Variants in ARHGAP22 observed in about 807,000 individuals in gnomAD.
The protein encoded by ARHGAP22 is rho GTPase-activating protein 22.
A neutral mutation model predicts 59.1 loss-of-function variants in ARHGAP22; 48 were observed. The observed-to-expected ratio is 0.81, with a 90% CI of 0.64 to 1.03. ARHGAP22 has a LOEUF of 1.03. Ranked by LOEUF, ARHGAP22 falls within the 50% of genes least tolerant of loss-of-function variation. ARHGAP22 has a pLI of 0.00. For synonymous variants in ARHGAP22, 445 were observed against 416.4 expected (o/e 1.07, Z -0.84); for missense variants, 1,015 against 958.7 (o/e 1.06, Z -0.78).
the ARHGAP22 span, among the ~76,000 whole-genome samples, chr10:48,439,966 G>A: frequency 6.6e-6 from 1 of 152,198 alleles, no homozygotes; most frequent in Admixed American, 6.5e-5. Context: ...GATCAGCTGC[G>A]TGGCAGCTGA....
At chr10:48,553,973 C>G (rs2057109693) in intron 3 of ARHGAP22, among the ~76,000 whole-genome samples, 1 of 152,214 alleles carries the variant, frequency 6.6e-6, no homozygotes, top group Non-Finnish European at 1.5e-5. Flanking sequence ...GCCTACGTCA[C>G]TACTTGCATT....
intron 1 of ARHGAP22, 64 bp from the exon 2 acceptor site, chr10:48,583,216 A>C: frequency 2.6e-6 from 4 of 1,544,678 alleles, no homozygotes; most frequent in Non-Finnish European, 3.5e-6. Context: ...TCCTGCCCCC[A>C]TCCTGGTGTC....
At chr10:48,476,320 T>C (rs1300498368) in intron 4 of ARHGAP22, among the ~76,000 whole-genome samples, 1 of 152,186 alleles carries the variant, frequency 6.6e-6, no homozygotes, top group Non-Finnish European at 1.5e-5. Flanking sequence ...CTGCTCCCAC[T>C]TCTCAAGGGG....
chr10:48,599,068 T>G (rs1352643970), intron 1 of ARHGAP22, among the ~76,000 whole-genome samples: 1 of 152,054 alleles, frequency 6.6e-6, no homozygotes, highest in East Asian at 1.9e-4. Context: ...CTTTTGAGGA[T>G]GAAGGGAGAT....
At chr10:48,445,630 A>G (rs1440925886), downstream of ARHGAP22, 1 of 152,374 alleles carries the variant, frequency 6.6e-6, no homozygotes, top group Non-Finnish European at 1.5e-5. Context: ...GACGTTTCCC[A>G]TGGCCTTGGC....
rs140460399 is a variant in ARHGAP22, at chr10:48,630,119, G to A, written c.52+22115C>T. 3.0e-4 allele frequency among the ~76,000 whole-genome samples: 45 copies of A among 152,212 alleles called. 1 individual carries two copies. In the East Asian group the frequency reaches 7.9e-3, roughly 27 times the overall value. On this transcript the variant is annotated intron_variant, in intron 1 of 9. Coordinates refer to the ARHGAP22 transcript ENST00000435790. ...ACTTTTTTTTCTTTTTTCAGACGGA[G>A]TCTTGCTCTGTCACCAGGCTGGAGT...
chr10:48,450,523 C>A lies in ARHGAP22; in HGVS notation c.1606G>T (p.Asp536Tyr). The A allele has an allele frequency of 6.6e-7, 1 of 1,522,594 alleles. No individual in the cohort carries two copies. Among genetic ancestry groups the A allele is most frequent in the East Asian group, 2.4e-5 (1 of 41,024 alleles). 94.3% of individuals were successfully genotyped at this position (1,522,594 alleles called of 1,614,324 possible). A position where few individuals can be genotyped will look rare whatever the true frequency, so the allele number is the denominator to read the frequency against. The change falls in exon 9 of 10, where the codon GAC (aspartate) becomes TAC (tyrosine). Residue 536 changes from aspartate (D) to tyrosine (Y), a missense_variant. Coordinates refer to ENST00000249601, the MANE Select transcript of ARHGAP22 (RefSeq NM_021226.4). Reference sequence around the variant, plus strand: ...TGCAGGGAACTGCGGGCAGACGAGTCGCTGGCGCGGCAGGCCGTGCAGCTG... The same window carrying A: ...TGCAGGGAACTGCGGGCAGACGAGTAGCTGGCGCGGCAGGCCGTGCAGCTG... The part of the protein sequence containing the change: ...LSSCTACRAS[D>Y]SSARSSLHTD...
intron 1 of ARHGAP22, among the ~76,000 whole-genome samples, chr10:48,614,864 G>T (rs183343229): frequency 1.0e-3 from 153 of 152,252 alleles, no homozygotes; most frequent in African/African-American, 3.6e-3. Flanking sequence ...GACCTATTTG[G>T]TAGTTACCCA....
chr10:48,555,974 G>A (rs189300059), intron 2 of ARHGAP22, among the ~76,000 whole-genome samples: 1 of 152,160 alleles, frequency 6.6e-6, no homozygotes, highest in African/African-American at 2.4e-5. Context: ...TGTGCGTCCA[G>A]TCCTGCCACG....
At chr10:48,520,670 G>A (rs557482983) in intron 3 of ARHGAP22, among the ~76,000 whole-genome samples, 1 of 152,256 alleles carries the variant, frequency 6.6e-6, no homozygotes. Context: ...AGGTTTATGG[G>A]CTGACAGGAG....
At position 48,446,578 on chromosome 10, in the gene ARHGAP22, C is replaced by A. The variant is rs375336457; in HGVS notation, c.1910G>T (p.Arg637Leu). 7 of 1,614,172 alleles carry A rather than the reference C, an allele frequency of 4.3e-6. No homozygotes were observed. The highest frequency in any genetic ancestry group is 4.2e-6 in the Non-Finnish European group (5 of 1,180,018). ...TTCCTGGTCCAGTTCTTCTTCTAAC[C>A]GGGACATTCGTTTTCTCAGGTCAGC... ...GSADLRKRMS[R>L]LEEELDQEKK... The change falls in exon 10 of 10, where the codon CGG becomes CTG. Residue 637 changes from arginine to leucine, a missense_variant. Coordinates refer to ENST00000249601, the MANE Select transcript of ARHGAP22 (RefSeq NM_021226.4).
intron 3 of ARHGAP22, among the ~76,000 whole-genome samples, chr10:48,537,065 C>T (rs1315905563): frequency 6.6e-6 from 1 of 152,148 alleles, no homozygotes; most frequent in Non-Finnish European, 1.5e-5. Context: ...TGCTTTCTAG[C>T]CTTGCATTTG....
intron 1 of ARHGAP22, among the ~76,000 whole-genome samples, chr10:48,613,990 C>T (rs930833131): frequency 7.2e-5 from 11 of 152,216 alleles, no homozygotes; most frequent in Non-Finnish European, 1.3e-4. Flanking sequence ...CTTCTGTCTT[C>T]GCCTGGGGCT....
intron 2 of ARHGAP22, among the ~76,000 whole-genome samples, chr10:48,569,887 T>C (rs2058289588): frequency 6.6e-6 from 1 of 152,174 alleles, no homozygotes; most frequent in Non-Finnish European, 1.5e-5. Context: ...TGATTTCCTT[T>C]TCCTAGGACA....
At chr10:48,600,004 T>G (rs1334750516) in intron 1 of ARHGAP22, among the ~76,000 whole-genome samples, 1 of 152,204 alleles carries the variant, frequency 6.6e-6, no homozygotes, top group African/African-American at 2.4e-5. Flanking sequence ...GCTTCTCAGA[T>G]CTCAGAGTCT....
chr10:48,450,566 C>A lies in ARHGAP22; in HGVS notation c.1563G>T (p.Ser521=), dbSNP rs780991347. 2.0e-6 allele frequency: 3 copies of A among 1,531,186 alleles called. No homozygotes were observed. The highest frequency in any genetic ancestry group is 2.5e-5 in the East Asian group (1 of 40,804). The allele number at this position is 1,531,186 out of a possible 1,614,324, so 94.8% of individuals were successfully genotyped here. A position where few individuals can be genotyped will look rare whatever the true frequency, so the allele number is the denominator to read the frequency against. ...AWSGASSSES[S]VGGSLSSCTA... is the part of the protein sequence containing the mutation. ...TGCAGCTGCTGAGTGAGCCCCCCAC[C>A]GACGACTCGCTGGACGAGGCCCCGG... Residue 521 remains serine (S), a synonymous_variant, in exon 9 of 10, where the codon TCG becomes TCT. Transcript: ENST00000249601.
intron 3 of ARHGAP22, among the ~76,000 whole-genome samples, chr10:48,521,834 G>A (rs1346421429): frequency 6.6e-6 from 1 of 152,240 alleles, no homozygotes; most frequent in East Asian, 1.9e-4. Context: ...AGGGAAAGGT[G>A]TGGAGACCAT....
At chr10:48,540,801 G>A (rs1313729358) in intron 3 of ARHGAP22, among the ~76,000 whole-genome samples, 1 of 151,896 alleles carries the variant, frequency 6.6e-6, no homozygotes, top group Middle Eastern at 3.2e-3. Context: ...CTCCTTCATT[G>A]GTTTAATTTA....
chr10:48,535,353 G>A (rs2055242204), intron 3 of ARHGAP22, among the ~76,000 whole-genome samples: 2 of 152,228 alleles, frequency 1.3e-5, no homozygotes, highest in African/African-American at 4.8e-5. Flanking sequence ...AGGGAGTGGG[G>A]CTGCTCCATG....
Sources: gnomAD v4.1 joint callset for allele counts (sites outside exome capture counted in the v4.1 genomes callset) on GRCh38, gnomAD v4.1.1 for gene constraint, MANE v1.5 for transcripts, NCBI Gene and HGNC (gene_info 2026-07-23, HGNC 2026-07-21) for gene names.